The following LRRFIP1 variants were observed in gnomAD, a reference collection of about 807,000 sequenced individuals.
LRRFIP1 encodes the protein LRR binding FLII interacting protein 1.
Under a neutral mutation model 104.4 loss-of-function variants are expected in LRRFIP1, and 62 were observed. The ratio of observed to expected loss-of-function variants is 0.59; its 90% CI spans 0.48 to 0.73. The LOEUF (loss-of-function observed/expected upper bound fraction) is 0.73. Among genes scored for constraint, LRRFIP1 ranks in the 30% least tolerant of loss-of-function variants. The probability of loss-of-function intolerance (pLI) is 0.00; values close to 1 mark genes in which losing one functional copy is unlikely to be tolerated. For synonymous variants in LRRFIP1, 300 were observed against 299.0 expected (o/e 1.00, Z -0.03); for missense variants, 796 against 824.5 (o/e 0.97, Z 0.42).
chr2:237,733,344 A>G (rs2095097755), intron 8 of LRRFIP1, among the ~76,000 whole-genome samples: 2 of 152,214 alleles, frequency 1.3e-5, no homozygotes, highest in African/African-American at 4.8e-5. Context: ...ATAGAAATAA[A>G]GACTCTTCCT....
chr2:237,751,526 G>T (rs12613388), intron 14 of LRRFIP1, among the ~76,000 whole-genome samples: 13,305 of 152,258 alleles, frequency 0.087, 672 homozygotes, highest in East Asian at 0.19. Flanking sequence ...GCATGCCTTA[G>T]ACTTACCATC....
intron 23 of LRRFIP1, 36 bp from the exon 24 acceptor site, chr2:237,779,386 G>T: frequency 6.2e-7 from 1 of 1,605,194 alleles, no homozygotes. Context: ...GAGGAAACAA[G>T]TTCCTTAAAG....
intron 20 of LRRFIP1, chr2:237,770,531 C>T (rs765466546): frequency 6.5e-6 from 1 of 154,124 alleles, no homozygotes; most frequent in Non-Finnish European, 1.4e-5. Flanking sequence ...CAGTGGCTCA[C>T]ACCTGTAATC....
chr2:237,630,591 A>T (rs951588890), intron 1 of LRRFIP1, among the ~76,000 whole-genome samples: 5 of 152,224 alleles, frequency 3.3e-5, no homozygotes, highest in African/African-American at 1.2e-4. Context: ...GGCTTCCTGG[A>T]GGAAGTGGCA....
chr2:237,752,706 T>A lies in LRRFIP1; in HGVS notation c.868-603T>A, dbSNP rs548112843. 2.6e-5 allele frequency among the ~76,000 whole-genome samples: 4 copies of A among 152,388 alleles called. No individual in the cohort carries two copies. The East Asian group carries it at 7.7e-4, about 29-fold the overall frequency. On this transcript the variant is annotated intron_variant, in intron 14 of 23. Transcript: ENST00000308482. Reference sequence around the variant, plus strand: ...CATGCGTATTTTACAGGCCTCTTTCTCTGGACTGTCCTTCAAAGGGAATGA... The same window carrying A: ...CATGCGTATTTTACAGGCCTCTTTCACTGGACTGTCCTTCAAAGGGAATGA...
At chr2:237,676,499 T>C (rs761907859) in intron 1 of LRRFIP1, among the ~76,000 whole-genome samples, 7 of 152,126 alleles carry the variant, frequency 4.6e-5, no homozygotes, top group Non-Finnish European at 1.0e-4. Flanking sequence ...TTTATTTTTG[T>C]GGGTTTTGTT....
chr2:237,760,337 T>G, intron 19 of LRRFIP1, 132 bp downstream of exon 19: 1 of 1,056,226 alleles, frequency 9.5e-7, no homozygotes, highest in African/African-American at 1.6e-5. Context: ...GTTTCATCAC[T>G]TCATGGTAAT....
At chr2:237,719,625 G>A (rs1407925460) in intron 5 of LRRFIP1, 58 bp downstream of exon 5, 3 of 1,267,800 alleles carry the variant, frequency 2.4e-6, no homozygotes, top group Non-Finnish European at 2.3e-6. Context: ...ATTTATGCTT[G>A]CAGTGGCTGA....
chr2:237,781,400 G>T lies in LRRFIP1; in HGVS notation c.*1868G>T, dbSNP rs939791901. On this transcript the variant is annotated 3_prime_UTR_variant, in exon 24 of 24. Transcript: ENST00000308482. ...ACCCAGGGTCCAGGAAGGTGAACTG[G>T]CAGAAGTCTCCCAGCTGGTAGAACA... 2.0e-5 allele frequency among the ~76,000 whole-genome samples: 3 copies of T among 152,150 alleles called. No homozygotes were observed. Among genetic ancestry groups the T allele is most frequent in the Admixed American group, 6.5e-5 (1 of 15,274 alleles).
chr2:237,680,986 C>A (rs2091742870), intron 1 of LRRFIP1, among the ~76,000 whole-genome samples: 1 of 151,970 alleles, frequency 6.6e-6, no homozygotes, highest in Non-Finnish European at 1.5e-5. Flanking sequence ...GTGTCAAAAA[C>A]AACAACAACA....
intron 1 of LRRFIP1, among the ~76,000 whole-genome samples, chr2:237,652,991 G>A (rs2086185133): frequency 6.6e-6 from 1 of 152,150 alleles, no homozygotes; most frequent in African/African-American, 2.4e-5. Flanking sequence ...CCCGAGATCT[G>A]GTTGTTTAAA....
intron 1 of LRRFIP1, among the ~76,000 whole-genome samples, chr2:237,705,947 CT>C (rs1045413404): frequency 7.9e-5 from 12 of 152,348 alleles, no homozygotes; most frequent in African/African-American, 2.6e-4. Flanking sequence ...TCTAGACCCT[CT>C]TTTAAAGGGC....
intron 19 of LRRFIP1, 120 bp from the exon 20 acceptor site, chr2:237,769,823 G>A (rs980525785): frequency 3.6e-5 from 28 of 770,410 alleles, no homozygotes; most frequent in Admixed American, 6.1e-5. Flanking sequence ...ACCGTGGTAC[G>A]TGTATAACTA....
At chr2:237,681,081 A>G (rs1336570590) in intron 1 of LRRFIP1, among the ~76,000 whole-genome samples, 1 of 152,226 alleles carries the variant, frequency 6.6e-6, no homozygotes, top group East Asian at 1.9e-4. Flanking sequence ...TTTTGAAAAA[A>G]CATAACAGGG....
Position 237,711,200 on chromosome 2 carries a change from G to A in LRRFIP1, c.183+2570G>A, listed in dbSNP as rs1376050527. On this transcript the variant is annotated intron_variant, in intron 2 of 23. Coordinates refer to ENST00000308482, the MANE Select transcript of LRRFIP1 (RefSeq NM_001137550.2). This position sits in a 1 kb window ranked among gnomAD's most constrained non-coding sequence, Gnocchi z 4.4. ...CTCACTGATGCTTCTGATGAGCACA[G>A]GCCTTGCGGAGAACATCTGATGAAA... 6.6e-6 allele frequency among the ~76,000 whole-genome samples: 1 copy of A among 152,246 alleles called. No individual in the cohort carries two copies. The highest frequency in any genetic ancestry group is 2.4e-5 in the African/African-American group (1 of 41,460).
intron 1 of LRRFIP1, among the ~76,000 whole-genome samples, chr2:237,650,577 A>G (rs2085771523): frequency 6.6e-6 from 1 of 152,188 alleles, no homozygotes; most frequent in Admixed American, 6.5e-5. Flanking sequence ...AATGACCATC[A>G]CAGCCTGGGC....
At chr2:237,696,016 T>C (rs1007856628) in intron 1 of LRRFIP1, among the ~76,000 whole-genome samples, 1 of 148,406 alleles carries the variant, frequency 6.7e-6, no homozygotes, top group Admixed American at 6.8e-5. Context: ...TTATATGTAT[T>C]CCGAGACTCA....
chr2:237,631,111 G>T (rs1417675812), intron 1 of LRRFIP1, among the ~76,000 whole-genome samples: 6 of 152,232 alleles, frequency 3.9e-5, no homozygotes, highest in African/African-American at 1.2e-4. Context: ...ACTTGGGAAG[G>T]TGGGGGCCTG....
At chr2:237,676,953 G>A (rs941053443) in intron 1 of LRRFIP1, among the ~76,000 whole-genome samples, 13 of 152,206 alleles carry the variant, frequency 8.5e-5, no homozygotes, top group Admixed American at 3.9e-4. Context: ...GAAACTCTGC[G>A]CTGGCTTTCG....
Sources: gnomAD v4.1 joint callset for allele counts (sites outside exome capture counted in the v4.1 genomes callset) on GRCh38, gnomAD v4.1.1 for gene constraint, Gnocchi (gnomAD v3.1) non-coding constraint, MANE v1.5 for transcripts, NCBI Gene and HGNC (gene_info 2026-07-23, HGNC 2026-07-21) for gene names.